Variants in CCDC102B observed in about 807,000 individuals in gnomAD.
CCDC102B encodes the protein coiled-coil domain containing 102B.
Under a neutral mutation model 57.4 loss-of-function variants are expected in CCDC102B, and 75 were observed. That is an observed-to-expected ratio of 1.31 (90% CI 1.08 to 1.58). The LOEUF (loss-of-function observed/expected upper bound fraction) is 1.58. CCDC102B is among the 40% of genes most tolerant of loss of function. The pLI is 0.00. For missense variants in CCDC102B, 636 were observed against 582.6 expected (o/e 1.09, Z -0.94); for synonymous variants, 206 against 201.9 (o/e 1.02, Z -0.17).
intron 6 of CCDC102B, among the ~76,000 whole-genome samples, chr18:68,912,786 C>T (rs1201565493): frequency 6.6e-6 from 1 of 152,126 alleles, no homozygotes; most frequent in African/African-American, 2.4e-5. Flanking sequence ...TTGTAATACA[C>T]TTCAGTCTCA....
intron 6 of CCDC102B, among the ~76,000 whole-genome samples, chr18:68,971,794 C>T (rs191453669): frequency 1.3e-5 from 2 of 152,226 alleles, no homozygotes. Flanking sequence ...CATAGCATGT[C>T]AGTTATTAAT....
chr18:68,897,494 T>C (rs1021316938), intron 6 of CCDC102B, 66 bp downstream of exon 6: 78 of 1,559,832 alleles, frequency 5.0e-5, no homozygotes, highest in Middle Eastern at 1.7e-4. Flanking sequence ...GCAGAGTCTG[T>C]CTTCACTCGT....
Position 69,010,963 on chromosome 18 carries a change from TA to T in CCDC102B, c.1296del (p.Lys432AsnfsTer2). The T allele has an allele frequency of 6.2e-7, 1 of 1,608,370 alleles. No homozygotes were observed. The highest frequency in any genetic ancestry group is 1.1e-5 in the South Asian group (1 of 90,028). On this transcript the variant is annotated frameshift_variant, in exon 7 of 8. Coordinates refer to ENST00000360242, the MANE Select transcript of CCDC102B (RefSeq NM_024781.3). LOFTEE classifies it high-confidence loss of function. ...TACTGAACCTTCAACATGCCTACTA[TA>T]AACTAAACAGACAATACCAGGCAAA... Reference protein sequence around the residue: ...ELLNLQHAYYKLNRQYQANIA... With the variant: ...ELLNLQHAYYXLNRQYQANIA...
intron 6 of CCDC102B, among the ~76,000 whole-genome samples, chr18:68,922,591 A>G (rs955473601): frequency 6.6e-6 from 1 of 152,100 alleles, no homozygotes; most frequent in African/African-American, 2.4e-5. Flanking sequence ...TTGATGATAA[A>G]AGGCCCAGCA....
intron 2 of CCDC102B, among the ~76,000 whole-genome samples, chr18:68,791,000 G>A (rs1005484353): frequency 3.3e-5 from 5 of 152,114 alleles, no homozygotes; most frequent in African/African-American, 1.2e-4. Context: ...GGAGAGATTA[G>A]CAAAAAACAA....
chr18:68,992,668 C>T (rs1287729857), intron 6 of CCDC102B: 1 of 152,736 alleles, frequency 6.5e-6, no homozygotes, highest in African/African-American at 2.4e-5. Flanking sequence ...GTCCTTGGCA[C>T]TAGTTGGAAT....
chr18:68,776,413 C>T (rs771393077), intron 2 of CCDC102B, among the ~76,000 whole-genome samples: 6 of 152,124 alleles, frequency 3.9e-5, no homozygotes, highest in African/African-American at 9.7e-5. Context: ...CGGAATCAAC[C>T]TAAATGTCCA....
intron 4 of CCDC102B, among the ~76,000 whole-genome samples, chr18:68,867,534 T>C (rs577706622): frequency 6.6e-6 from 1 of 152,200 alleles, no homozygotes; most frequent in Non-Finnish European, 1.5e-5. Flanking sequence ...AAAGGACAAT[T>C]CTGTTCATTG....
chr18:68,756,168 A>C (rs2034042001), intron 2 of CCDC102B, among the ~76,000 whole-genome samples: 1 of 151,872 alleles, frequency 6.6e-6, no homozygotes. Context: ...TCAGGCAAAG[A>C]AATAAGAACA....
chr18:68,921,881 T>C lies in CCDC102B; in HGVS notation c.1263+24453T>C, dbSNP rs1302179202. On this transcript the variant is annotated intron_variant, in intron 6 of 7. Coordinates refer to ENST00000360242, the MANE Select transcript of CCDC102B (RefSeq NM_024781.3). Reference sequence around the variant, plus strand: ...GAATTCCAAGATAATAAATTTGTATTGTTTAAACCATTGTTAGTCATAATT... The same window carrying C: ...GAATTCCAAGATAATAAATTTGTATCGTTTAAACCATTGTTAGTCATAATT... Among the ~76,000 whole-genome samples, 4 of 152,184 alleles carry C rather than the reference T, an allele frequency of 2.6e-5. No homozygotes were observed. In the East Asian group the frequency reaches 5.8e-4, roughly 22 times the overall value.
intron 2 of CCDC102B, among the ~76,000 whole-genome samples, chr18:68,733,494 A>G (rs980014786): frequency 1.0e-4 from 9 of 89,656 alleles, no homozygotes; most frequent in African/African-American, 4.5e-4. Context: ...ATATATATAT[A>G]TATATATATA....
intron 6 of CCDC102B, among the ~76,000 whole-genome samples, chr18:68,974,164 C>A (rs572483907): frequency 6.6e-6 from 1 of 152,002 alleles, no homozygotes; most frequent in Non-Finnish European, 1.5e-5. Flanking sequence ...GTATTGGGAG[C>A]CTTATGGGAG....
intron 2 of CCDC102B, among the ~76,000 whole-genome samples, chr18:68,784,989 C>G (rs542530595): frequency 8.1e-6 from 1 of 123,334 alleles, no homozygotes; most frequent in African/African-American, 3.0e-5. Context: ...CCCCCCACCC[C>G]ACAACAGTCC....
At chr18:68,880,990 T>C (rs1426512653) in intron 5 of CCDC102B, among the ~76,000 whole-genome samples, 1 of 152,204 alleles carries the variant, frequency 6.6e-6, no homozygotes, top group Non-Finnish European at 1.5e-5. Context: ...AATAGAAAAA[T>C]TATCTTCTGT....
intron 1 of CCDC102B, among the ~76,000 whole-genome samples, chr18:68,824,892 G>T (rs1385374320): frequency 6.6e-6 from 1 of 152,118 alleles, no homozygotes. Context: ...TCATCACACA[G>T]TCACACATGC....
intron 6 of CCDC102B, among the ~76,000 whole-genome samples, chr18:68,952,512 A>G (rs1307488620): frequency 1.3e-5 from 2 of 152,150 alleles, no homozygotes; most frequent in Admixed American, 1.3e-4. Context: ...GAAAAAGTAA[A>G]GTTCTCAAAA....
In CCDC102B at chr18:68,936,303, A is replaced by T. The variant is rs937145099; in HGVS notation, c.1263+38875A>T. On this transcript the variant is annotated intron_variant, in intron 6 of 7. Coordinates refer to ENST00000360242, the MANE Select transcript of CCDC102B (RefSeq NM_024781.3). ...ATTTTCTGTCACATTTTGATACAAA[A>T]ATCCAAATGATATACCTGTTAAAGG... is the stretch of plus-strand genomic sequence containing the variant. 2.0e-5 allele frequency among the ~76,000 whole-genome samples: 3 copies of T among 152,008 alleles called. No individual in the cohort carries two copies. The East Asian group carries it at 5.8e-4, about 29-fold the overall frequency.
At chr18:68,831,148 T>C (rs2037126035) in intron 1 of CCDC102B, among the ~76,000 whole-genome samples, 1 of 152,098 alleles carries the variant, frequency 6.6e-6, no homozygotes, top group Non-Finnish European at 1.5e-5. Flanking sequence ...CTGAAATAGT[T>C]TATTTTTAAA....
chr18:68,801,407 C>T (rs570207514), intron 1 of CCDC102B, among the ~76,000 whole-genome samples: 7 of 152,002 alleles, frequency 4.6e-5, no homozygotes, highest in Non-Finnish European at 1.0e-4. Context: ...GGACTGTTAA[C>T]ATTATTATAT....
Sources: gnomAD v4.1 joint callset for allele counts (sites outside exome capture counted in the v4.1 genomes callset) on GRCh38, gnomAD v4.1.1 for gene constraint, MANE v1.5 for transcripts, NCBI Gene and HGNC (gene_info 2026-07-23, HGNC 2026-07-21) for gene names.